The following XRCC4 variants were observed in gnomAD, a reference collection of about 807,000 sequenced individuals.
The protein encoded by XRCC4 is DNA repair protein XRCC4.
A neutral mutation model predicts 39.1 loss-of-function variants in XRCC4; 28 were observed. The observed-to-expected ratio is 0.72, with a 90% confidence interval of 0.53 to 0.98. The LOEUF is 0.98. XRCC4 is among the 50% of genes least tolerant of loss of function. The probability of loss-of-function intolerance (pLI) is 0.00; values close to 1 mark genes in which losing one functional copy is unlikely to be tolerated. For synonymous variants in XRCC4, 123 were observed against 126.4 expected, an observed-to-expected ratio of 0.97 and a Z score of 0.18; for missense variants, 350 against 376.4, an observed-to-expected ratio of 0.93 and a Z score of 0.58.
At chr5:83,127,973 C>CATTT (rs1292918867) in intron 3 of XRCC4, among the ~76,000 whole-genome samples, 8 of 149,568 alleles carry the variant, frequency 5.3e-5, no homozygotes, top group Admixed American at 1.3e-4. Flanking sequence ...AGTCATCTGT[C>CATTT]ATTTATTTAT....
At chr5:83,253,387 C>G (rs771442979) in intron 6 of XRCC4, among the ~76,000 whole-genome samples, 1 of 151,960 alleles carries the variant, frequency 6.6e-6, no homozygotes, top group Admixed American at 6.6e-5. Context: ...AAACAGTACA[C>G]ATTTTTTTTT....
chr5:83,203,733 TG>T, intron 5 of XRCC4, 26 bp downstream of exon 5: 3 of 1,606,598 alleles, frequency 1.9e-6, no homozygotes, highest in Non-Finnish European at 2.5e-6. Flanking sequence ...TGTTTTTGGA[TG>T]ACAGATGAAT....
At chr5:83,355,049 C>G (rs2112244107), downstream of XRCC4, among the ~76,000 whole-genome samples, 1 of 152,258 alleles carries the variant, frequency 6.6e-6, no homozygotes, top group South Asian at 2.1e-4. Flanking sequence ...TGATGGCACC[C>G]CTGCTTACCT....
intron 6 of XRCC4, among the ~76,000 whole-genome samples, chr5:83,233,616 G>T (rs1202583906): frequency 6.6e-6 from 1 of 151,674 alleles, no homozygotes; most frequent in Non-Finnish European, 1.5e-5. Flanking sequence ...GGCCAGGCAC[G>T]GTGGCTCATG....
chr5:83,262,838 C>CTTTTTTT (rs72274529), intron 7 of XRCC4, among the ~76,000 whole-genome samples: 2 of 119,488 alleles, frequency 1.7e-5, no homozygotes, highest in Admixed American at 8.5e-5. Context: ...TTATCACAGT[C>CTTTTTTT]TTTTTTTTTT....
Position 83,129,856 on chromosome 5 carries a change from G to A in XRCC4, c.315+18653G>A, listed in dbSNP as rs190367480. ...TTGCTGAAGTTGCTTATCAGCTTAA[G>A]GAGATTTTGGCCTGAGATGATGGGG... On this transcript the variant is annotated intron_variant, in intron 3 of 7. Coordinates refer to ENST00000396027, the MANE Select transcript of XRCC4 (RefSeq NM_003401.5). Among the ~76,000 whole-genome samples the A allele has an allele frequency of 6.7e-4, 102 of 152,216 alleles. 5 individuals are homozygous for A. In the East Asian group the frequency reaches 0.02, roughly 29 times the overall value.
At chr5:83,123,408 A>T in intron 3 of XRCC4, among the ~76,000 whole-genome samples, 1 of 151,578 alleles carries the variant, frequency 6.6e-6, no homozygotes, top group Non-Finnish European at 1.5e-5. Context: ...TTTGCTTTTA[A>T]TTATTTTTCT....
chr5:83,186,457 G>T (rs944592308), intron 3 of XRCC4, among the ~76,000 whole-genome samples: 2 of 152,154 alleles, frequency 1.3e-5, no homozygotes, highest in African/African-American at 4.8e-5. Flanking sequence ...TGCTTTATTC[G>T]CACATCACCT....
At chr5:83,163,046 T>C (rs1219582304) in intron 3 of XRCC4, among the ~76,000 whole-genome samples, 3 of 150,980 alleles carry the variant, frequency 2.0e-5, no homozygotes, top group Non-Finnish European at 4.4e-5. Context: ...ACCTCCCAAG[T>C]TCAAGCAATT....
chr5:83,286,286 T>C (rs1754729839), intron 7 of XRCC4, among the ~76,000 whole-genome samples: 1 of 152,170 alleles, frequency 6.6e-6, no homozygotes, highest in African/African-American at 2.4e-5. Context: ...GCTTGTCACC[T>C]TTATTCTAGG....
At chr5:83,131,223 AT>A (rs1190466344) in intron 3 of XRCC4, among the ~76,000 whole-genome samples, 2 of 151,950 alleles carry the variant, frequency 1.3e-5, no homozygotes, top group African/African-American at 2.4e-5. Context: ...TCATTTTGTT[AT>A]TTACCCGTAG....
chr5:83,183,105 T>A (rs1750273068), intron 3 of XRCC4, among the ~76,000 whole-genome samples: 1 of 152,164 alleles, frequency 6.6e-6, no homozygotes, highest in African/African-American at 2.4e-5. Context: ...TCTAGCACTG[T>A]TATAAAAATC....
intron 3 of XRCC4, among the ~76,000 whole-genome samples, chr5:83,138,173 T>C (rs1321643972): frequency 1.3e-5 from 2 of 152,166 alleles, no homozygotes; most frequent in Non-Finnish European, 2.9e-5. Context: ...GCCTCAAACA[T>C]ATGCTTCTGA....
intron 6 of XRCC4, among the ~76,000 whole-genome samples, chr5:83,240,881 T>C (rs1561426046): frequency 1.3e-5 from 2 of 152,204 alleles, no homozygotes. Flanking sequence ...CCAGTGATTA[T>C]ATTTAATTGA....
downstream of XRCC4, among the ~76,000 whole-genome samples, chr5:83,357,976 G>A (rs543492823): frequency 1.3e-5 from 2 of 152,228 alleles, no homozygotes; most frequent in South Asian, 2.1e-4. Context: ...CCCAAAAATA[G>A]GTAGTTACAT....
At chr5:83,119,289 G>A (rs1044568563) in intron 3 of XRCC4, among the ~76,000 whole-genome samples, 3 of 152,228 alleles carry the variant, frequency 2.0e-5, no homozygotes, top group Admixed American at 1.3e-4. Context: ...TGGGAATATG[G>A]GTTGCAGATG....
At chr5:83,306,260 G>T (rs1265444647) in intron 7 of XRCC4, among the ~76,000 whole-genome samples, 1 of 151,986 alleles carries the variant, frequency 6.6e-6, no homozygotes, top group Non-Finnish European at 1.5e-5. Context: ...TATTCATGAA[G>T]ATCACAGAGC....
At chr5:83,085,097 A>G (rs1745121447) in intron 1 of XRCC4, among the ~76,000 whole-genome samples, 1 of 152,212 alleles carries the variant, frequency 6.6e-6, no homozygotes, top group Non-Finnish European at 1.5e-5. Flanking sequence ...AAGTAAGCAA[A>G]GAGTTCAATC....
chr5:83,203,072 T>C (rs1287161321), intron 4 of XRCC4, among the ~76,000 whole-genome samples: 1 of 152,080 alleles, frequency 6.6e-6, no homozygotes. Flanking sequence ...CTTATAAGAA[T>C]ATAACTGGAT....
Sources: allele counts gnomAD v4.1 joint callset (sites outside exome capture counted in the v4.1 genomes callset), GRCh38; gene constraint gnomAD v4.1.1; transcripts MANE v1.5; gene names NCBI Gene and HGNC (gene_info 2026-07-23, HGNC 2026-07-21).